Variants in B3GNT8 observed in about 807,000 individuals in gnomAD.
B3GNT8 encodes N-acetyllactosaminide beta-1,3-N-acetylglucosaminyltransferase 8.
For missense variants in B3GNT8, 502 were observed against 530.5 expected (o/e 0.95, Z 0.53); for synonymous variants, 258 against 238.3 (o/e 1.08, Z -0.76).
rs1307281263 is a variant in B3GNT8, at chr19:41,425,389, C to CA, written c.*195dup. On this transcript the variant is annotated 3_prime_UTR_variant, in exon 2 of 2. Coordinates refer to ENST00000691102, the MANE Select transcript of B3GNT8 (RefSeq NM_001385648.2). Reference sequence around the variant, plus strand: ...GTGGGGAGTGCATGTTTTTCAAAAACAAAAAGTAGGCAAAAACAGTCCACC... The same window carrying CA: ...GTGGGGAGTGCATGTTTTTCAAAAACAAAAAAGTAGGCAAAAACAGTCCACC... The CA allele has an allele frequency of 7.2e-6, 3 of 418,762 alleles. No homozygotes were observed. The highest frequency in any genetic ancestry group is 4.1e-5 in the Admixed American group (1 of 24,524). 25.9% of individuals were successfully genotyped at this position (418,762 alleles called of 1,614,324 possible).
chr19:41,426,892 GCAGA>G lies in B3GNT8; in HGVS notation c.-32-86_-32-83del. 1 of 1,059,694 alleles carries G rather than the reference GCAGA, an allele frequency of 9.4e-7. No individual in the cohort carries two copies. Among genetic ancestry groups the G allele is most frequent in the Non-Finnish European group, 1.4e-6 (1 of 717,422 alleles). 65.6% of individuals were successfully genotyped at this position (1,059,694 alleles called of 1,614,324 possible). On this transcript the variant is annotated intron_variant, in intron 1 of 1. Coordinates refer to ENST00000691102, the MANE Select transcript of B3GNT8 (RefSeq NM_001385648.2). The surrounding 1 kb of genome is among the most constrained non-coding windows in gnomAD (Gnocchi z 4.9). The stretch of plus-strand genomic sequence containing the variant: ...CAGAGAGGGCCCAGCCAGGCCCCAG[GCAGA>G]CAGCTTCACAATCTCCCATAGTCCC...
At position 41,425,560 on chromosome 19, in the gene B3GNT8, G is replaced by T; in HGVS notation, c.*25C>A. 1 of 1,470,284 alleles carries T rather than the reference G, an allele frequency of 6.8e-7. No individual in the cohort carries two copies. Among genetic ancestry groups the T allele is most frequent in the Non-Finnish European group, 9.0e-7 (1 of 1,108,816 alleles). The allele number at this position is 1,470,284 out of a possible 1,614,324, so 91.1% of individuals were successfully genotyped here. The stretch of plus-strand genomic sequence containing the variant: ...GGCCCCAGAGGCCCAGGCCAGGTCA[G>T]CACCTCCGCCCTCCCCAATGAGAGT... On this transcript the variant is annotated 3_prime_UTR_variant, in exon 2 of 2. Transcript: ENST00000691102.
chr19:41,427,117 C>T lies in B3GNT8; in HGVS notation c.-33+167G>A, dbSNP rs2039445943. Among the ~76,000 whole-genome samples the T allele has an allele frequency of 6.6e-6, 1 of 152,198 alleles. No individual in the cohort carries two copies. On this transcript the variant is annotated intron_variant, in intron 1 of 1. Coordinates refer to ENST00000691102, the MANE Select transcript of B3GNT8 (RefSeq NM_001385648.2). This position sits in a 1 kb window ranked among gnomAD's most constrained non-coding sequence, Gnocchi z 5.6. The stretch of plus-strand genomic sequence containing the variant: ...GGTCTACCTCTTCCCTGTCTCCATC[C>T]AGGACAAGGGACCTTGCCGTCTATC...
At position 41,427,296 on chromosome 19, in the gene B3GNT8, C is replaced by T. The variant is rs868540166; in HGVS notation, c.-45G>A. On this transcript the variant is annotated 5_prime_UTR_variant, in exon 1 of 2. Coordinates refer to ENST00000691102, the MANE Select transcript of B3GNT8 (RefSeq NM_001385648.2). The surrounding 1 kb of genome is among the most constrained non-coding windows in gnomAD (Gnocchi z 5.6). ...CATGCTTTTTTACCTCTGGGTCTGG[C>T]TCCCGCCAGCTCCGGGTGCCGGCCT... 1 of 174,164 alleles carries T rather than the reference C, an allele frequency of 5.7e-6. No individual in the cohort carries two copies. Among genetic ancestry groups the T allele is most frequent in the African/African-American group, 2.4e-5 (1 of 41,568 alleles). The allele number at this position is 174,164 out of a possible 1,614,324, so 10.8% of individuals were successfully genotyped here.
chr19:41,425,982 G>A lies in B3GNT8; in HGVS notation c.797C>T (p.Ala266Val). Residue 266 changes from alanine (A) to valine (V), a missense_variant, in exon 2 of 2, where the codon GCC becomes GTC. Ala to Val is a moderately conservative substitution (Grantham distance 64). Coordinates refer to ENST00000691102, the MANE Select transcript of B3GNT8 (RefSeq NM_001385648.2). ...LLAHLRALPP[A>V]SARSLYLGEV... ...ACCCAGGTAGAGGCTTCGGGCCGAG[G>A]CAGGTGGCAGGGCCCGCAGGTGAGC... The A allele has an allele frequency of 1.2e-6, 2 of 1,612,346 alleles. No homozygotes were observed. Among genetic ancestry groups the A allele is most frequent in the Non-Finnish European group, 1.7e-6 (2 of 1,179,096 alleles).
chr19:41,426,513 G>A lies in B3GNT8; in HGVS notation c.266C>T (p.Thr89Ile). The A allele has an allele frequency of 6.3e-7, 1 of 1,595,292 alleles. No homozygotes were observed. The highest frequency in any genetic ancestry group is 8.5e-7 in the Non-Finnish European group (1 of 1,170,872). ...CCAAGCCTGGCAGCCCCCCGTTTCA[G>A]TGCTGTCCCCACTGGGCAGGGACCC... ...RLGSLPSGDS[T>I]ETGGCQAWGA... Residue 89 changes from threonine to isoleucine, a missense_variant, in exon 2 of 2, where the codon ACT (threonine) becomes ATT (isoleucine). Physicochemically the swap from Thr to Ile is moderately conservative, Grantham distance 89. Transcript: ENST00000691102. The surrounding 1 kb of genome is among the most constrained non-coding windows in gnomAD (Gnocchi z 4.9).
Position 41,426,915 on chromosome 19 carries a change from T to A in B3GNT8, c.-32-105A>T. The stretch of plus-strand genomic sequence containing the variant: ...AGGCAGACAGCTTCACAATCTCCCA[T>A]AGTCCCCGCCAACCCCCATAACAGA... On this transcript the variant is annotated intron_variant, in intron 1 of 1. Coordinates refer to ENST00000691102, the MANE Select transcript of B3GNT8 (RefSeq NM_001385648.2). The surrounding 1 kb of genome is among the most constrained non-coding windows in gnomAD (Gnocchi z 4.9). 1 of 855,526 alleles carries A rather than the reference T, an allele frequency of 1.2e-6. No individual in the cohort carries two copies. Among genetic ancestry groups the A allele is most frequent in the South Asian group, 1.5e-5 (1 of 65,116 alleles). 53.0% of individuals were successfully genotyped at this position (855,526 alleles called of 1,614,324 possible). A position where few individuals can be genotyped will look rare whatever the true frequency, so the allele number is the denominator to read the frequency against.
In B3GNT8 at chr19:41,425,741, C is replaced by T; in HGVS notation, c.1038G>A (p.Leu346=). 1 of 1,589,614 alleles carries T rather than the reference C, an allele frequency of 6.3e-7. No individual in the cohort carries two copies. The change falls in exon 2 of 2, where the codon CTG becomes CTA. Residue 346 remains leucine, a synonymous_variant. Transcript: ENST00000691102. ...YTGLCIRALG[L]VPQAHPGFLT... ...GGAAGCCTGGGTGGGCCTGGGGCACCAGGCCCAGGGCTCGGATGCAAAGGC... is the reference window on the plus strand; with the variant it reads ...GGAAGCCTGGGTGGGCCTGGGGCACTAGGCCCAGGGCTCGGATGCAAAGGC...
Position 41,425,822 on chromosome 19 carries a change from C to T in B3GNT8, c.957G>A (p.Trp319Ter), listed in dbSNP as rs1005573987. The change falls in exon 2 of 2, where the codon TGG (tryptophan) becomes TGA (stop). Residue 319 changes from tryptophan (W) to a stop codon, truncating the protein, a stop_gained. Coordinates refer to ENST00000691102, the MANE Select transcript of B3GNT8 (RefSeq NM_001385648.2). LOFTEE classifies it low-confidence loss of function (END_TRUNC). The part of the protein sequence containing the change: ...GYVIAGRLAP[W>*]LLRAAARVAP... ...CCACACGGGCTGCCGCCCGCAGCAGCCAGGGTGCCAGGCGCCCGGCAATGA... is the reference window on the plus strand; with the variant it reads ...CCACACGGGCTGCCGCCCGCAGCAGTCAGGGTGCCAGGCGCCCGGCAATGA... 6.2e-7 allele frequency: 1 copy of T among 1,612,852 alleles called. No individual in the cohort carries two copies. The highest frequency in any genetic ancestry group is 8.5e-7 in the Non-Finnish European group (1 of 1,179,932).
At position 41,426,278 on chromosome 19, in the gene B3GNT8, C is replaced by T; in HGVS notation, c.501G>A (p.Val167=). The change falls in exon 2 of 2, where the codon GTG becomes GTA. Residue 167 remains valine, a synonymous_variant. Transcript: ENST00000691102. This position sits in a 1 kb window ranked among gnomAD's most constrained non-coding sequence, Gnocchi z 4.9. The stretch of plus-strand genomic sequence containing the variant: ...GAGCTGGACTGCCCCACGTCTCTCT[C>T]ACGGCCTGTCGTTCTGCAAAGCGCC... ...EPGRFAERQA[V]RETWGSPAPG... is the part of the protein sequence containing the mutation. 1.2e-6 allele frequency: 2 copies of T among 1,613,450 alleles called. No individual in the cohort carries two copies. The highest frequency in any genetic ancestry group is 1.1e-5 in the South Asian group (1 of 91,082).
rs746644716 is a variant in B3GNT8, at chr19:41,426,124, A to G, written c.655T>C (p.Phe219Leu). The G allele has an allele frequency of 9.9e-6, 16 of 1,613,678 alleles. No individual in the cohort carries two copies. The highest frequency in any genetic ancestry group is 1.4e-5 in the Non-Finnish European group (16 of 1,179,962). The change falls in exon 2 of 2, where the codon TTC becomes CTC. Residue 219 changes from phenylalanine (F) to leucine (L), a missense_variant. Physicochemically the swap from Phe to Leu is conservative, Grantham distance 22 (BLOSUM62 0). Transcript: ENST00000691102. This position sits in a 1 kb window ranked among gnomAD's most constrained non-coding sequence, Gnocchi z 4.9. ...AGCAGGTCTTTGAGCGTCTGGTTGAATGGGACGTCGAGGAAGTCCCAGAGC... is the reference window on the plus strand; with the variant it reads ...AGCAGGTCTTTGAGCGTCTGGTTGAGTGGGACGTCGAGGAAGTCCCAGAGC... Reference protein sequence around the residue: ...LLLWDFLDVPFNQTLKDLLLL... With the variant: ...LLLWDFLDVPLNQTLKDLLLL...
chr19:41,426,303 C>T lies in B3GNT8; in HGVS notation c.476G>A (p.Gly159Glu), dbSNP rs776532715. Residue 159 changes from glycine (G) to glutamate (E), a missense_variant, in exon 2 of 2, where the codon GGG becomes GAG. Gly to Glu is a moderately conservative substitution (Grantham distance 98). Coordinates refer to ENST00000691102, the MANE Select transcript of B3GNT8 (RefSeq NM_001385648.2). The surrounding 1 kb of genome is among the most constrained non-coding windows in gnomAD (Gnocchi z 4.9). ...CACGGCCTGTCGTTCTGCAAAGCGC[C>T]CTGGTTCTGACTTGACGGCCAACAG... ...YLLLAVKSEPGRFAERQAVRE... is the reference protein window; with the variant it reads ...YLLLAVKSEPERFAERQAVRE... The T allele has an allele frequency of 3.1e-6, 5 of 1,613,448 alleles. No homozygotes were observed. The highest frequency in any genetic ancestry group is 2.7e-5 in the African/African-American group (2 of 75,058).
Position 41,426,784 on chromosome 19 carries a change from G to C in B3GNT8, c.-6C>G. 6.2e-7 allele frequency: 1 copy of C among 1,610,468 alleles called. No individual in the cohort carries two copies. Among genetic ancestry groups the C allele is most frequent in the Non-Finnish European group, 8.5e-7 (1 of 1,179,774 alleles). ...AGGCACTTGGGGCAGCGCATGACCCGGCCCAGGGAAGGGGCGGCCGCGGGA... is the reference window on the plus strand; with the variant it reads ...AGGCACTTGGGGCAGCGCATGACCCCGCCCAGGGAAGGGGCGGCCGCGGGA... On this transcript the variant is annotated 5_prime_UTR_variant, in exon 2 of 2. Coordinates refer to ENST00000691102, the MANE Select transcript of B3GNT8 (RefSeq NM_001385648.2). This position sits in a 1 kb window ranked among gnomAD's most constrained non-coding sequence, Gnocchi z 4.9.
rs1460324348 is a variant in B3GNT8 at position 41,425,435 on chromosome 19, G to T, written c.*150C>A. ...CCACCACCCCATCTTTCCTGCCCAG[G>T]CCCCTGGCTGGGGGAGGCCAAGGAG... On this transcript the variant is annotated 3_prime_UTR_variant, in exon 2 of 2. Transcript: ENST00000691102. 3.7e-6 allele frequency: 2 copies of T among 543,470 alleles called. No homozygotes were observed. The highest frequency in any genetic ancestry group is 1.3e-4 in the South Asian group (2 of 15,220). 33.7% of individuals were successfully genotyped at this position (543,470 alleles called of 1,614,324 possible).
Position 41,426,433 on chromosome 19 carries a change from G to T in B3GNT8, c.346C>A (p.Arg116Ser), listed in dbSNP as rs769992042. Residue 116 changes from arginine (R) to serine (S), a missense_variant, in exon 2 of 2, where the codon CGC becomes AGC. By Grantham distance (110) the Arg-to-Ser change is moderately radical. Transcript: ENST00000691102. This position sits in a 1 kb window ranked among gnomAD's most constrained non-coding sequence, Gnocchi z 4.9. ...CAGGCTGCTGACAGCAAGAAGCGGCGGAGGTCCTTGGGGTAGGAGGCGAAG... is the reference window on the plus strand; with the variant it reads ...CAGGCTGCTGACAGCAAGAAGCGGCTGAGGTCCTTGGGGTAGGAGGCGAAG... ...PDFASYPKDLRRFLLSAACRS... is the reference protein window; with the variant it reads ...PDFASYPKDLSRFLLSAACRS... 2.4e-5 allele frequency: 39 copies of T among 1,610,556 alleles called. No homozygotes were observed. The highest frequency in any genetic ancestry group is 3.2e-5 in the Non-Finnish European group (38 of 1,179,620).
rs1568510509 is a variant in B3GNT8, at chr19:41,426,261, C to A, written c.518G>T (p.Ser173Ile). Residue 173 changes from serine (S) to isoleucine (I), a missense_variant, in exon 2 of 2, where the codon AGT becomes ATT. Transcript: ENST00000691102. This position sits in a 1 kb window ranked among gnomAD's most constrained non-coding sequence, Gnocchi z 4.9. Reference protein sequence around the residue: ...ERQAVRETWGSPAPGIRLLFL... With the variant: ...ERQAVRETWGIPAPGIRLLFL... ...GAGCAGCCGGATCCCTGGAGCTGGA[C>A]TGCCCCACGTCTCTCTCACGGCCTG... 6.2e-7 allele frequency: 1 copy of A among 1,613,482 alleles called. No individual in the cohort carries two copies. Among genetic ancestry groups the A allele is most frequent in the Non-Finnish European group, 8.5e-7 (1 of 1,180,034 alleles).
rs2039436080 is a variant in B3GNT8 at position 41,426,422 on chromosome 19, CA to C, written c.356del (p.Leu119CysfsTer49). On this transcript the variant is annotated frameshift_variant, in exon 2 of 2. Coordinates refer to ENST00000691102, the MANE Select transcript of B3GNT8 (RefSeq NM_001385648.2). LOFTEE classifies it low-confidence loss of function (END_TRUNC). The surrounding 1 kb of genome is among the most constrained non-coding windows in gnomAD (Gnocchi z 4.9). ...ASYPKDLRRF[L>X]LSAACRSFPQ... ...GGAAGCTCCGGCAGGCTGCTGACAG[CA>C]AGAAGCGGCGGAGGTCCTTGGGGTA... 6.2e-7 allele frequency: 1 copy of C among 1,611,100 alleles called. No homozygotes were observed. Among genetic ancestry groups the C allele is most frequent in the Non-Finnish European group, 8.5e-7 (1 of 1,179,752 alleles).
rs2039429849 is a variant in B3GNT8, at chr19:41,426,061, T to C, written c.718A>G (p.Ser240Gly). The change falls in exon 2 of 2, where the codon AGT becomes GGT. Residue 240 changes from serine to glycine, a missense_variant. Coordinates refer to ENST00000691102, the MANE Select transcript of B3GNT8 (RefSeq NM_001385648.2). The surrounding 1 kb of genome is among the most constrained non-coding windows in gnomAD (Gnocchi z 4.9). ...AWLGRHCPTV[S>G]FVLRAQDDAF... The stretch of plus-strand genomic sequence containing the variant: ...TCGTCCTGAGCTCGCAAGACAAAAC[T>C]CACGGTGGGGCAGTGGCGGCCCAGC... The C allele has an allele frequency of 5.0e-6, 8 of 1,613,456 alleles. No homozygotes were observed. The highest frequency in any genetic ancestry group is 6.8e-6 in the Non-Finnish European group (8 of 1,179,902).
rs45491295 is a variant in B3GNT8 at position 41,426,923 on chromosome 19, G to A, written c.-32-113C>T. On this transcript the variant is annotated intron_variant, in intron 1 of 1. Transcript: ENST00000691102. The surrounding 1 kb of genome is among the most constrained non-coding windows in gnomAD (Gnocchi z 4.9). The stretch of plus-strand genomic sequence containing the variant: ...AGCTTCACAATCTCCCATAGTCCCC[G>A]CCAACCCCCATAACAGATTCTCTCG... 90,384 of 800,326 alleles carry A rather than the reference G, an allele frequency of 0.11. 5,941 individuals are homozygous for A. The highest frequency in any genetic ancestry group is 0.14 in the Middle Eastern group (382 of 2,802). The allele number at this position is 800,326 out of a possible 1,614,324, so 49.6% of individuals were successfully genotyped here.
Sources: gnomAD v4.1 joint callset for allele counts (sites outside exome capture counted in the v4.1 genomes callset) on GRCh38, gnomAD v4.1.1 for gene constraint, Gnocchi (gnomAD v3.1) non-coding constraint, MANE v1.5 for transcripts, NCBI Gene and HGNC (gene_info 2026-07-23, HGNC 2026-07-21) for gene names.